Variants in CELF4 observed in about 807,000 individuals in gnomAD.
CELF4 encodes CUGBP Elav-like family member 4.
CELF4 carries 18 observed loss-of-function variants against 59.9 expected under a neutral mutation model. The observed-to-expected ratio is 0.30, with a 90% CI of 0.21 to 0.45. CELF4 has a LOEUF of 0.45. CELF4 is among the 20% of genes least tolerant of loss of function. CELF4 has a pLI of 1.00. For synonymous variants in CELF4, 261 were observed against 267.1 expected (o/e 0.98, Z 0.22); for missense variants, 456 against 689.0 (o/e 0.66, Z 3.79).
intron 2 of CELF4, among the ~76,000 whole-genome samples, chr18:37,475,598 C>T (rs2099846608): frequency 6.6e-6 from 1 of 152,148 alleles, no homozygotes; most frequent in Admixed American, 6.5e-5. Context: ...TGGGAGGAGG[C>T]AGGTCCTTTC....
At chr18:37,544,605 A>G (rs560244061) in intron 1 of CELF4, among the ~76,000 whole-genome samples, 1 of 152,106 alleles carries the variant, frequency 6.6e-6, no homozygotes, top group African/African-American at 2.4e-5. Context: ...GCTTGTACGT[A>G]TGTATGTGTG....
In CELF4 at chr18:37,464,946, C is replaced by T. The variant is rs184051726; in HGVS notation, c.369+20579G>A. Among the ~76,000 whole-genome samples, 175 of 152,318 alleles carry T rather than the reference C, an allele frequency of 1.1e-3. 2 individuals carry two copies. Among genetic ancestry groups the T allele is most frequent in the African/African-American group, 4.1e-3 (172 of 41,576 alleles). On this transcript the variant is annotated intron_variant, in intron 2 of 12. Coordinates refer to ENST00000420428, the MANE Select transcript of CELF4 (RefSeq NM_020180.4). ...GCAAATGGACAGGTCTGTGAGGAGT[C>T]TCCTTGGGTCTCCTGACTCCTCAGG...
intron 2 of CELF4, among the ~76,000 whole-genome samples, chr18:37,412,672 G>C (rs1009825869): frequency 1.3e-5 from 2 of 152,054 alleles, no homozygotes; most frequent in African/African-American, 4.8e-5. Flanking sequence ...GGATAGATGA[G>C]TGCATGTGTG....
chr18:37,520,523 G>A (rs759730135), intron 1 of CELF4, among the ~76,000 whole-genome samples: 17 of 151,974 alleles, frequency 1.1e-4, no homozygotes, highest in Non-Finnish European at 1.9e-4. Context: ...AACAGGCTTC[G>A]GGTTGCTCTC....
At position 37,289,816 on chromosome 18, in the gene CELF4, C is replaced by T. The variant is rs547192275; in HGVS notation, c.449-14573G>A. On this transcript the variant is annotated intron_variant, in intron 3 of 12. Coordinates refer to ENST00000420428, the MANE Select transcript of CELF4 (RefSeq NM_020180.4). The stretch of plus-strand genomic sequence containing the variant: ...GACCGGGTATCTCTGGTGGCTGCAC[C>T]GCCTTCTCTGTTGTGTGACATGGAG... Among the ~76,000 whole-genome samples, 10 of 152,296 alleles carry T rather than the reference C, an allele frequency of 6.6e-5. No homozygotes were observed. The East Asian group carries it at 7.7e-4, about 12-fold the overall frequency.
chr18:37,412,746 T>C (rs2099484428), intron 2 of CELF4, among the ~76,000 whole-genome samples: 1 of 152,130 alleles, frequency 6.6e-6, no homozygotes. Context: ...GCTTTGGAAA[T>C]TTTGGTTGGC....
chr18:37,345,018 C>T (rs2154550209), intron 2 of CELF4, among the ~76,000 whole-genome samples: 1 of 152,312 alleles, frequency 6.6e-6, no homozygotes, highest in East Asian at 1.9e-4. Context: ...GACCCAAGTC[C>T]ATGTTTGCAG....
chr18:37,250,419 C>T (rs1169169584), intron 12 of CELF4, among the ~76,000 whole-genome samples: 2 of 152,136 alleles, frequency 1.3e-5, no homozygotes, highest in African/African-American at 4.8e-5. Context: ...AGGCCCTTCT[C>T]CCTCCCCTAG....
At chr18:37,498,335 TCTTCC>T (rs1408813708) in intron 1 of CELF4, among the ~76,000 whole-genome samples, 1 of 113,890 alleles carries the variant, frequency 8.8e-6, no homozygotes. Context: ...CCTTCCCTCT[TCTTCC>T]CTTCCCTTCC....
intron 3 of CELF4, among the ~76,000 whole-genome samples, chr18:37,296,760 C>T (rs1017063498): frequency 6.6e-6 from 1 of 152,162 alleles, no homozygotes; most frequent in African/African-American, 2.4e-5. Flanking sequence ...AACTGTGGGC[C>T]CCATTGACGG....
At chr18:37,423,095 G>C (rs937536079) in intron 2 of CELF4, among the ~76,000 whole-genome samples, 2 of 140,032 alleles carry the variant, frequency 1.4e-5, no homozygotes, top group Admixed American at 7.3e-5. Flanking sequence ...GACAGAGAGA[G>C]AGAGAGAGAC....
intron 2 of CELF4, among the ~76,000 whole-genome samples, chr18:37,375,853 G>A (rs527488432): frequency 4.6e-5 from 7 of 152,076 alleles, no homozygotes; most frequent in Admixed American, 2.0e-4. Flanking sequence ...CGTCCTCCCC[G>A]GTCCCAGACC....
At chr18:37,439,639 G>A (rs1176877800) in intron 2 of CELF4, among the ~76,000 whole-genome samples, 1 of 152,108 alleles carries the variant, frequency 6.6e-6, no homozygotes, top group Non-Finnish European at 1.5e-5. Flanking sequence ...ACTTGGCCTA[G>A]TCACTCTTCT....
At chr18:37,308,729 C>T (rs1006318076) in intron 3 of CELF4, among the ~76,000 whole-genome samples, 7 of 151,934 alleles carry the variant, frequency 4.6e-5, no homozygotes, top group African/African-American at 1.7e-4. Context: ...CACCCAGTGC[C>T]AGGATTTGGT....
intron 2 of CELF4, among the ~76,000 whole-genome samples, chr18:37,411,202 C>T (rs1054153647): frequency 6.6e-6 from 1 of 152,226 alleles, no homozygotes; most frequent in Non-Finnish European, 1.5e-5. Flanking sequence ...GTGATCCTCC[C>T]ACCTTGGCCT....
chr18:37,498,167 G>A (rs550902014), intron 1 of CELF4, among the ~76,000 whole-genome samples: 47 of 152,290 alleles, frequency 3.1e-4, no homozygotes, highest in Middle Eastern at 3.4e-3. Context: ...GAGTGGGTTT[G>A]GGGGCCCTGG....
intron 2 of CELF4, among the ~76,000 whole-genome samples, chr18:37,365,929 T>C (rs1231757049): frequency 6.6e-6 from 1 of 152,072 alleles, no homozygotes; most frequent in Non-Finnish European, 1.5e-5. Flanking sequence ...ATCAATTGAG[T>C]GATCAGGAAC....
intron 2 of CELF4, among the ~76,000 whole-genome samples, chr18:37,480,379 C>T (rs1301067579): frequency 6.6e-6 from 1 of 152,162 alleles, no homozygotes; most frequent in South Asian, 2.1e-4. Flanking sequence ...TTGATTGCAC[C>T]GATCACTAGA....
At chr18:37,297,668 A>C (rs2154438302) in intron 3 of CELF4, among the ~76,000 whole-genome samples, 1 of 152,376 alleles carries the variant, frequency 6.6e-6, no homozygotes, top group Admixed American at 6.5e-5. Flanking sequence ...CCGTTTCCCC[A>C]GAAGTTCCCT....
Sources: allele counts gnomAD v4.1 joint callset (sites outside exome capture counted in the v4.1 genomes callset), GRCh38; gene constraint gnomAD v4.1.1; transcripts MANE v1.5; gene names NCBI Gene and HGNC (gene_info 2026-07-23, HGNC 2026-07-21).